DAPK1: variants seen among roughly 807,000 people sequenced by gnomAD.
The protein encoded by DAPK1 is death-associated protein kinase 1.
Under a neutral mutation model 144.9 loss-of-function variants are expected in DAPK1, and 56 were observed. The observed-to-expected ratio is 0.39, with a 90% CI of 0.31 to 0.48. DAPK1 has a LOEUF of 0.48. Among genes scored for constraint, DAPK1 ranks in the 20% least tolerant of loss-of-function variants. The pLI, the probability that DAPK1 is intolerant of heterozygous loss-of-function variation, is 0.95. For synonymous variants in DAPK1, 690 were observed against 749.0 expected (o/e 0.92, Z 1.29); for missense variants, 1,454 against 1,875.4 (o/e 0.78, Z 4.15).
At chr9:87,528,870 TCA>T (rs1491253467) in intron 2 of DAPK1, among the ~76,000 whole-genome samples, 1 of 57,676 alleles carries the variant, frequency 1.7e-5, no homozygotes, top group African/African-American at 8.3e-5. Flanking sequence ...AGACTCCATC[TCA>T]AAAAAAAAAA....
Position 87,647,312 on chromosome 9 carries a change from C to T in DAPK1, c.1238C>T (p.Ser413Phe), listed in dbSNP as rs1248914662. 1.2e-6 allele frequency: 2 copies of T among 1,614,076 alleles called. No individual in the cohort carries two copies. ...SRIDVQDKGG[S>F]NAVYWAARHG... ...AGGTTGATTTTCCTGCAGGGCGGGT[C>T]CAATGCCGTCTACTGGGCTGCTCGG... Residue 413 changes from serine (S) to phenylalanine (F), a missense_variant, in exon 14 of 26, where the codon TCC becomes TTC. By Grantham distance (155) the Ser-to-Phe change is radical. Coordinates refer to ENST00000408954, the MANE Select transcript of DAPK1 (RefSeq NM_004938.4).
intron 2 of DAPK1, among the ~76,000 whole-genome samples, chr9:87,583,647 C>A (rs574491626): frequency 2.6e-5 from 4 of 152,132 alleles, no homozygotes; most frequent in Non-Finnish European, 4.4e-5. Flanking sequence ...TGCACCCCAC[C>A]GTGGAGTTCC....
At chr9:87,518,758 G>T (rs1556) in intron 2 of DAPK1, among the ~76,000 whole-genome samples, 1 of 151,760 alleles carries the variant, frequency 6.6e-6, no homozygotes, top group African/African-American at 2.4e-5. Context: ...TGACATATCA[G>T]TGTCTACACA....
chr9:87,574,643 G>A (rs1827475627), intron 2 of DAPK1, among the ~76,000 whole-genome samples: 1 of 152,244 alleles, frequency 6.6e-6, no homozygotes, highest in Non-Finnish European at 1.5e-5. Flanking sequence ...AAGGTGACCA[G>A]GCACGGTGGC....
At chr9:87,579,106 T>C (rs757792935) in intron 2 of DAPK1, among the ~76,000 whole-genome samples, 3 of 152,144 alleles carry the variant, frequency 2.0e-5, no homozygotes, top group Non-Finnish European at 4.4e-5. Context: ...CCGAAGTATA[T>C]ATAATCTATT....
rs755828307 is a variant in DAPK1, at chr9:87,668,698, GAAGTTCTCTACCTGTGTTTATGTGAAA to G, written c.2001+29_2001+55del. 5.9e-5 allele frequency: 57 copies of G among 971,392 alleles called. No individual in the cohort carries two copies. In the African/African-American group the frequency reaches 8.5e-4, roughly 15 times the overall value. The allele number at this position is 971,392 out of a possible 1,614,324, so 60.2% of individuals were successfully genotyped here. A position where few individuals can be genotyped will look rare whatever the true frequency, so the allele number is the denominator to read the frequency against. On this transcript the variant is annotated intron_variant, in intron 19 of 25. Transcript: ENST00000408954. ...AGGTGAGAAGTTCTGTTATAGGTCT[GAAGTTCTCTACCTGTGTTTATGTGAAA>G]AAGTCTCAGTCTTTTTCCTTATTTG...
chr9:87,661,457 C>G (rs1830845134), intron 18 of DAPK1, among the ~76,000 whole-genome samples: 1 of 152,122 alleles, frequency 6.6e-6, no homozygotes, highest in East Asian at 1.9e-4. Flanking sequence ...TATAAAAGTT[C>G]CCCTTTCTCT....
chr9:87,657,162 G>A (rs1830655541), intron 17 of DAPK1, among the ~76,000 whole-genome samples: 1 of 152,122 alleles, frequency 6.6e-6, no homozygotes, highest in South Asian at 2.1e-4. Context: ...TTCATTGAGT[G>A]GTTCAGTCCA....
At chr9:87,698,998 T>G (rs557652370) in intron 23 of DAPK1, among the ~76,000 whole-genome samples, 3 of 152,348 alleles carry the variant, frequency 2.0e-5, no homozygotes, top group Admixed American at 1.3e-4. Flanking sequence ...TGATTTCTTA[T>G]TTGTTTGGAT....
intron 2 of DAPK1, among the ~76,000 whole-genome samples, chr9:87,554,803 A>G (rs1199320717): frequency 6.6e-6 from 1 of 152,064 alleles, no homozygotes; most frequent in African/African-American, 2.4e-5. Flanking sequence ...CCGTGTAGCC[A>G]TTTCCCCCAC....
intron 2 of DAPK1, among the ~76,000 whole-genome samples, chr9:87,516,056 A>G (rs1341009757): frequency 6.6e-6 from 1 of 152,164 alleles, no homozygotes; most frequent in African/African-American, 2.4e-5. Context: ...TATCCCAGTC[A>G]GCGCATCCCT....
rs776899159 is a variant in DAPK1 at position 87,706,339 on chromosome 9, A to C, written c.3268A>C (p.Ile1090Leu). The C allele has an allele frequency of 6.2e-7, 1 of 1,607,936 alleles. No individual in the cohort carries two copies. The highest frequency in any genetic ancestry group is 1.3e-5 in the African/African-American group (1 of 74,890). The change falls in exon 26 of 26, where the codon ATC becomes CTC. Residue 1090 changes from isoleucine to leucine, a missense_variant. By Grantham distance (5) the Ile-to-Leu change is conservative. Transcript: ENST00000408954. This position sits in a 1 kb window ranked among gnomAD's most constrained non-coding sequence, Gnocchi z 9.0. ...GCTGCAGATCCTCGATGCCATGGAC[A>C]TCTGCGCCCGGGACCTGAGCAGCGG... ...ELLQILDAMDICARDLSSGTM... is the reference protein window; with the variant it reads ...ELLQILDAMDLCARDLSSGTM...
rs1824483075 is a variant in DAPK1 at position 87,678,395 on chromosome 9, C to T, written c.2002-3009C>T. On this transcript the variant is annotated intron_variant, in intron 19 of 25. Transcript: ENST00000408954. Reference sequence around the variant, plus strand: ...GAGGAGGCTGGGAAACCCAGCAGGTCCCTGCACTCACGCACAGGATCACTG... The same window carrying T: ...GAGGAGGCTGGGAAACCCAGCAGGTTCCTGCACTCACGCACAGGATCACTG... Among the ~76,000 whole-genome samples the T allele has an allele frequency of 3.3e-5, 5 of 152,204 alleles. No individual in the cohort carries two copies. The South Asian group carries it at 1.0e-3, about 31-fold the overall frequency.
chr9:87,576,086 A>C (rs964486080), intron 2 of DAPK1, among the ~76,000 whole-genome samples: 1 of 152,248 alleles, frequency 6.6e-6, no homozygotes, highest in African/African-American at 2.4e-5. Flanking sequence ...CAGTGTGAGC[A>C]TCTCTTTAAT....
intron 3 of DAPK1, among the ~76,000 whole-genome samples, chr9:87,615,707 G>C (rs1829071062): frequency 6.6e-6 from 1 of 152,190 alleles, no homozygotes; most frequent in Non-Finnish European, 1.5e-5. Flanking sequence ...ACCTTTCTGA[G>C]TCAGCCACAG....
At chr9:87,618,834 G>A (rs1308222639) in intron 3 of DAPK1, among the ~76,000 whole-genome samples, 1 of 152,140 alleles carries the variant, frequency 6.6e-6, no homozygotes, top group Admixed American at 6.5e-5. Context: ...TTAGATTGTG[G>A]GGATGGTTGC....
chr9:87,692,241 CTT>C (rs33982268), intron 21 of DAPK1, among the ~76,000 whole-genome samples: 56,996 of 148,002 alleles, frequency 0.39, 12,001 homozygotes, highest in Middle Eastern at 0.59. Flanking sequence ...TAATGACCTT[CTT>C]TTTTTTTTTT....
intron 19 of DAPK1, among the ~76,000 whole-genome samples, chr9:87,680,384 C>G (rs1008065412): frequency 4.6e-5 from 7 of 152,176 alleles, no homozygotes; most frequent in Admixed American, 3.9e-4. Flanking sequence ...GGATTACAGG[C>G]GTGAGCCACC....
chr9:87,559,757 G>A (rs756623077), intron 2 of DAPK1, among the ~76,000 whole-genome samples: 2 of 152,134 alleles, frequency 1.3e-5, no homozygotes, highest in Non-Finnish European at 2.9e-5. Flanking sequence ...GTGAGCAGGC[G>A]AATGTCTACA....
Sources: allele counts gnomAD v4.1 joint callset (sites outside exome capture counted in the v4.1 genomes callset), GRCh38; gene constraint gnomAD v4.1.1; non-coding constraint Gnocchi (gnomAD v3.1); transcripts MANE v1.5; gene names NCBI Gene and HGNC (gene_info 2026-07-23, HGNC 2026-07-21).